Variants in NCOA7 observed in about 807,000 individuals in gnomAD.
NCOA7 encodes the protein nuclear receptor coactivator 7.
A neutral mutation model predicts 104.3 loss-of-function variants in NCOA7; 45 were observed. The observed-to-expected ratio is 0.43, with a 90% CI of 0.34 to 0.55. The LOEUF is 0.55. Ranked by LOEUF, NCOA7 falls within the 20% of genes least tolerant of loss-of-function variation. The pLI, the probability that NCOA7 is intolerant of heterozygous loss-of-function variation, is 0.02. For synonymous variants in NCOA7, 398 were observed against 402.3 expected, an observed-to-expected ratio of 0.99 and a Z score of 0.13; for missense variants, 1,041 against 1,119.7, an observed-to-expected ratio of 0.93 and a Z score of 1.00.
chr6:125,821,178 A>C (rs1778139896), intron 2 of NCOA7, among the ~76,000 whole-genome samples: 1 of 152,124 alleles, frequency 6.6e-6, no homozygotes, highest in African/African-American at 2.4e-5. Flanking sequence ...GATGAGTAGA[A>C]GTATTATCAT....
chr6:125,872,130 C>T (rs974819776), intron 3 of NCOA7, among the ~76,000 whole-genome samples: 12 of 151,300 alleles, frequency 7.9e-5, no homozygotes, highest in Non-Finnish European at 1.6e-4. Flanking sequence ...TTTTGTTTTT[C>T]CTTTAGTAAT....
chr6:125,931,846 A>G lies in NCOA7; in HGVS notation c.*3075A>G, dbSNP rs1485588746. 1 of 152,132 alleles carries G rather than the reference A, an allele frequency of 6.6e-6. No homozygotes were observed. Among genetic ancestry groups the G allele is most frequent in the African/African-American group, 2.4e-5 (1 of 41,426 alleles). 9.4% of individuals were successfully genotyped at this position (152,132 alleles called of 1,614,324 possible). On this transcript the variant is annotated 3_prime_UTR_variant, in exon 16 of 16. Coordinates refer to ENST00000392477, the MANE Select transcript of NCOA7 (RefSeq NM_181782.5). ...GGGCGGTTTCCCCCATGCTGTTCTC[A>G]TGATAGTGAGGGAGTTTTCATGAGA...
intron 3 of NCOA7, among the ~76,000 whole-genome samples, chr6:125,872,134 T>C (rs1474555226): frequency 6.6e-6 from 1 of 152,184 alleles, no homozygotes; most frequent in Non-Finnish European, 1.5e-5. Flanking sequence ...GTTTTTCCTT[T>C]AGTAATATTA....
At chr6:125,820,701 C>T (rs1300595282) in intron 2 of NCOA7, among the ~76,000 whole-genome samples, 1 of 152,182 alleles carries the variant, frequency 6.6e-6, no homozygotes, top group Admixed American at 6.5e-5. Flanking sequence ...TCTGTGTCTA[C>T]CTACATCTTC....
intron 3 of NCOA7, 158 bp downstream of exon 3, chr6:125,855,398 G>T: frequency 1.7e-6 from 1 of 588,762 alleles, no homozygotes; most frequent in Non-Finnish European, 3.0e-6. Context: ...TCTTGTGTAA[G>T]GGGATCACAC....
chr6:125,927,763 C>G lies in NCOA7; in HGVS notation c.2619+5C>G, dbSNP rs1788160604. On this transcript the variant is annotated splice_donor_5th_base_variant and intron_variant, in intron 14 of 15. Transcript: ENST00000392477. ...ACATTCAGCCCTCATTTTAAGGTAC[C>G]TAGATAGGAGAAATATCCAACTCCC... 3 of 1,605,228 alleles carry G rather than the reference C, an allele frequency of 1.9e-6. No individual in the cohort carries two copies. Among genetic ancestry groups the G allele is most frequent in the Non-Finnish European group, 2.6e-6 (3 of 1,171,960 alleles).
intron 1 of NCOA7, among the ~76,000 whole-genome samples, chr6:125,813,339 A>G (rs1050837255): frequency 6.6e-6 from 1 of 151,962 alleles, no homozygotes; most frequent in Non-Finnish European, 1.5e-5. Context: ...GATCCTGCCC[A>G]TGTCTTCATC....
chr6:125,782,255 G>T (rs1272364904), intron 1 of NCOA7, among the ~76,000 whole-genome samples: 1 of 151,936 alleles, frequency 6.6e-6, no homozygotes, highest in Non-Finnish European at 1.5e-5. Flanking sequence ...CTATCTTACA[G>T]TACTGTTCTA....
At position 125,889,942 on chromosome 6, in the gene NCOA7, C is replaced by T; in HGVS notation, c.1888C>T (p.Gln630Ter). ...GAQMDNKSEV[Q>*]LWLLKRIQVP... ...ACAAATGGATAATAAATCTGAAGTT[C>T]AGTTGTGGCTGTTAAAGAGAATTCA... Residue 630 changes from glutamine to a stop codon, truncating the protein, a stop_gained, in exon 9 of 16, where the codon CAG (glutamine) becomes TAG (stop). Coordinates refer to ENST00000392477, the MANE Select transcript of NCOA7 (RefSeq NM_181782.5). LOFTEE classifies it high-confidence loss of function. The T allele has an allele frequency of 1.3e-6, 2 of 1,563,430 alleles. No individual in the cohort carries two copies. The highest frequency in any genetic ancestry group is 1.7e-6 in the Non-Finnish European group (2 of 1,158,864).
chr6:125,900,150 C>G (rs1215605756), intron 10 of NCOA7: 1 of 416,122 alleles, frequency 2.4e-6, no homozygotes, highest in East Asian at 7.0e-5. Context: ...CTGTGGACCT[C>G]TGTAGCTAGG....
Position 125,837,995 on chromosome 6 carries a change from C to A in NCOA7, c.51-17025C>A, listed in dbSNP as rs191305431. On this transcript the variant is annotated intron_variant, in intron 2 of 15. Coordinates refer to ENST00000392477, the MANE Select transcript of NCOA7 (RefSeq NM_181782.5). ...CTTAATGAGTAGAGCACACGCCAGT[C>A]CCTTTGATAACAAAGCCCTTCCTAG... Among the ~76,000 whole-genome samples, 296 of 152,314 alleles carry A rather than the reference C, an allele frequency of 1.9e-3. 1 individual carries two copies. The highest frequency in any genetic ancestry group is 6.8e-3 in the Middle Eastern group (2 of 294).
At chr6:125,912,119 C>T (rs946440770) in intron 10 of NCOA7, among the ~76,000 whole-genome samples, 4 of 152,210 alleles carry the variant, frequency 2.6e-5, no homozygotes, top group African/African-American at 7.2e-5. Context: ...ACCTTCAATT[C>T]GTGCTGTACA....
At chr6:125,883,066 G>A (rs970001147) in intron 7 of NCOA7, among the ~76,000 whole-genome samples, 9 of 152,188 alleles carry the variant, frequency 5.9e-5, no homozygotes, top group African/African-American at 1.9e-4. Flanking sequence ...AGCTGTGTTT[G>A]CTGTTGATGA....
chr6:125,821,762 G>A (rs904322282), intron 2 of NCOA7, among the ~76,000 whole-genome samples: 1 of 152,068 alleles, frequency 6.6e-6, no homozygotes, highest in Non-Finnish European at 1.5e-5. Flanking sequence ...TTGCATTACA[G>A]TGATCCACTT....
intron 10 of NCOA7, among the ~76,000 whole-genome samples, chr6:125,909,448 G>T (rs1198697475): frequency 6.6e-6 from 1 of 152,176 alleles, no homozygotes; most frequent in Non-Finnish European, 1.5e-5. Context: ...GAACACACCT[G>T]TAATTGAGTA....
chr6:125,866,862 A>C (rs571033056), intron 3 of NCOA7, among the ~76,000 whole-genome samples: 7 of 152,292 alleles, frequency 4.6e-5, no homozygotes, highest in Admixed American at 4.6e-4. Flanking sequence ...TCTTTGAAAA[A>C]TAATTTTGGA....
intron 1 of NCOA7, among the ~76,000 whole-genome samples, chr6:125,793,323 A>G (rs1389704152): frequency 1.3e-5 from 2 of 152,204 alleles, no homozygotes; most frequent in Non-Finnish European, 2.9e-5. Flanking sequence ...CCCTTTGGTT[A>G]CAGTAAGCTC....
intron 4 of NCOA7, 54 bp downstream of exon 4, chr6:125,875,022 A>G: frequency 7.3e-7 from 1 of 1,367,286 alleles, no homozygotes; most frequent in South Asian, 1.2e-5. Context: ...CATTTATATA[A>G]TGGTTTTCCC....
chr6:125,877,186 G>T (rs1011583217), intron 4 of NCOA7, among the ~76,000 whole-genome samples: 16 of 152,232 alleles, frequency 1.1e-4, no homozygotes, highest in Middle Eastern at 3.4e-3. Context: ...CTGTTTCAAT[G>T]TAATCTGTAA....
Sources: gnomAD v4.1 joint callset for allele counts (sites outside exome capture counted in the v4.1 genomes callset) on GRCh38, gnomAD v4.1.1 for gene constraint, MANE v1.5 for transcripts, NCBI Gene and HGNC (gene_info 2026-07-23, HGNC 2026-07-21) for gene names.